LSM6: variants seen among roughly 807,000 people sequenced by gnomAD.
The protein encoded by LSM6 is U6 snRNA-associated Sm-like protein LSm6.
Under a neutral mutation model 13.5 loss-of-function variants are expected in LSM6, and 2 were observed. That is an observed-to-expected ratio of 0.15 (90% CI 0.06 to 0.47). The LOEUF is 0.47. Among genes scored for constraint, LSM6 ranks in the 20% least tolerant of loss-of-function variants. LSM6 has a pLI of 0.97. For missense variants in LSM6, 58 were observed against 96.4 expected, an observed-to-expected ratio of 0.60 and a Z score of 1.67; for synonymous variants, 43 against 34.9, an observed-to-expected ratio of 1.23 and a Z score of -0.82.
chr4:146,182,537 A>G (rs1196715485), intron 1 of LSM6, among the ~76,000 whole-genome samples: 1 of 152,266 alleles, frequency 6.6e-6, no homozygotes, highest in Non-Finnish European at 1.5e-5. Flanking sequence ...AATGCTTTGC[A>G]TAAAATAACC....
Position 146,182,952 on chromosome 4 carries a change from T to A in LSM6, c.31T>A (p.Phe11Ile). 6.2e-7 allele frequency: 1 copy of A among 1,613,368 alleles called. No individual in the cohort carries two copies. The highest frequency in any genetic ancestry group is 8.5e-7 in the Non-Finnish European group (1 of 1,179,356). ...TCTTCGGAAGCAAACCCCTAGTGACTTCTTAAAGCAAATCATCGGACGACC... is the reference window on the plus strand; with the variant it reads ...TCTTCGGAAGCAAACCCCTAGTGACATCTTAAAGCAAATCATCGGACGACC... MSLRKQTPSD[F>I]LKQIIGRPVV... Residue 11 changes from phenylalanine (F) to isoleucine (I), a missense_variant, in exon 2 of 4, where the codon TTC becomes ATC. Phe to Ile is a conservative substitution (Grantham distance 21, BLOSUM62 0). This residue lies in a region of LSM6 where 28 missense variants were observed against 32.6 expected (regional missense o/e 0.86). Transcript: ENST00000296581.
In LSM6 at chr4:146,187,305, T is replaced by C; in HGVS notation, c.126T>C (p.Asn42=). 1 of 1,613,628 alleles carries C rather than the reference T, an allele frequency of 6.2e-7. No homozygotes were observed. The highest frequency in any genetic ancestry group is 8.5e-7 in the Non-Finnish European group (1 of 1,179,550). Residue 42 remains asparagine (N), a synonymous_variant, in exon 3 of 4, where the codon AAT becomes AAC. Transcript: ENST00000296581. ...GVLACLDGYM[N]IALEQTEEYV... ...TGGCTTGCCTGGATGGCTACATGAA[T>C]ATAGCCCTGGAGCAGACAGAAGAAT...
rs1022314487 is a variant in LSM6, at chr4:146,191,074, GAAAAT to G, written c.*1423_*1427del. 57 of 152,318 alleles carry G rather than the reference GAAAAT, an allele frequency of 3.7e-4. No individual in the cohort carries two copies. Among genetic ancestry groups the G allele is most frequent in the African/African-American group, 1.3e-3 (55 of 41,574 alleles). 9.4% of individuals were successfully genotyped at this position (152,318 alleles called of 1,614,324 possible). ...CACAGGGTTTTACCGTGTGCACACT[GAAAAT>G]AAAACACTTTATGCTATGCTTCAAT... On this transcript the variant is annotated 3_prime_UTR_variant, in exon 4 of 4. Coordinates refer to ENST00000296581, the MANE Select transcript of LSM6 (RefSeq NM_007080.3).
intron 2 of LSM6, among the ~76,000 whole-genome samples, chr4:146,183,855 G>A (rs1346786000): frequency 6.8e-6 from 1 of 146,244 alleles, no homozygotes; most frequent in Non-Finnish European, 1.5e-5. Flanking sequence ...CCTGAGCACT[G>A]TACTGGGTAA....
intron 3 of LSM6, among the ~76,000 whole-genome samples, chr4:146,188,753 T>C (rs1450539599): frequency 2.0e-5 from 3 of 152,050 alleles, no homozygotes; most frequent in Non-Finnish European, 2.9e-5. Context: ...AGCAGAACAT[T>C]AGGTAACACC....
chr4:146,185,115 A>G lies in LSM6; in HGVS notation c.94+2100A>G, dbSNP rs141129830. Reference sequence around the variant, plus strand: ...TTTTGCCACTATAAACAACTCTTCTACTTTGACATATATTGTGAAGTTGAC... The same window carrying G: ...TTTTGCCACTATAAACAACTCTTCTGCTTTGACATATATTGTGAAGTTGAC... On this transcript the variant is annotated intron_variant, in intron 2 of 3. Transcript: ENST00000296581. 2.9e-3 allele frequency among the ~76,000 whole-genome samples: 439 copies of G among 152,218 alleles called. 2 individuals carry two copies. Among genetic ancestry groups the G allele is most frequent in the African/African-American group, 9.5e-3 (394 of 41,538 alleles).
At chr4:146,176,446 G>T (rs778719935) in intron 1 of LSM6, 2 of 152,246 alleles carry the variant, frequency 1.3e-5, no homozygotes, top group Non-Finnish European at 2.9e-5. Flanking sequence ...AGGTGTGTAG[G>T]ATTAAGATGA....
At chr4:146,178,820 A>G (rs1314024615) in intron 1 of LSM6, among the ~76,000 whole-genome samples, 1 of 152,106 alleles carries the variant, frequency 6.6e-6, no homozygotes, top group Non-Finnish European at 1.5e-5. Flanking sequence ...CACCGCCTCT[A>G]TTGCGATTCC....
At position 146,178,527 on chromosome 4, in the gene LSM6, T is replaced by G. The variant is rs537098266; in HGVS notation, c.-11+2716T>G. On this transcript the variant is annotated intron_variant, in intron 1 of 3. Transcript: ENST00000296581. Reference sequence around the variant, plus strand: ...GCCTCCTCAGACACTGATCTATTAGTCTAGTGCTGCAATTACTTGGATTGT... The same window carrying G: ...GCCTCCTCAGACACTGATCTATTAGGCTAGTGCTGCAATTACTTGGATTGT... Among the ~76,000 whole-genome samples the G allele has an allele frequency of 3.3e-5, 5 of 152,360 alleles. No individual in the cohort carries two copies. The East Asian group carries it at 9.6e-4, about 29-fold the overall frequency.
intron 1 of LSM6, 31 bp downstream of exon 1, chr4:146,175,842 G>T (rs3733460): frequency 6.6e-6 from 1 of 152,256 alleles, no homozygotes; most frequent in Non-Finnish European, 1.5e-5. Context: ...GGCCGACGAC[G>T]GGGCCGGGCG....
chr4:146,175,911 C>T (rs2110873927), intron 1 of LSM6, 100 bp downstream of exon 1: 1 of 152,446 alleles, frequency 6.6e-6, no homozygotes, highest in Admixed American at 6.5e-5. Context: ...GCTGCAGCGG[C>T]CCTAGGCCGG....
In LSM6 at chr4:146,190,634, C is replaced by T. The variant is rs938185297; in HGVS notation, c.*978C>T. On this transcript the variant is annotated 3_prime_UTR_variant, in exon 4 of 4. Coordinates refer to ENST00000296581, the MANE Select transcript of LSM6 (RefSeq NM_007080.3). ...AGGCTTTATGTTGCTTGGCACAAGG[C>T]AGCTCCTCTGGTTATGTGACTCCTG... 1 of 152,222 alleles carries T rather than the reference C, an allele frequency of 6.6e-6. No individual in the cohort carries two copies. Among genetic ancestry groups the T allele is most frequent in the African/African-American group, 2.4e-5 (1 of 41,444 alleles). The allele number at this position is 152,222 out of a possible 1,614,324, so 9.4% of individuals were successfully genotyped here.
rs897603343 is a variant in LSM6 at position 146,188,864 on chromosome 4, A to G, written c.209-758A>G. Among the ~76,000 whole-genome samples, 3 of 152,260 alleles carry G rather than the reference A, an allele frequency of 2.0e-5. No individual in the cohort carries two copies. In the East Asian group the frequency reaches 5.8e-4, roughly 29 times the overall value. The stretch of plus-strand genomic sequence containing the variant: ...CCTTAGCTCTTGTTTATCCTGTTGC[A>G]TTTAAGAAGGTAAACAGCAAGTTTA... On this transcript the variant is annotated intron_variant, in intron 3 of 3. Coordinates refer to ENST00000296581, the MANE Select transcript of LSM6 (RefSeq NM_007080.3).
chr4:146,190,116 G>A lies in LSM6; in HGVS notation c.*460G>A, dbSNP rs1164309410. The A allele has an allele frequency of 6.5e-6, 1 of 152,988 alleles. No homozygotes were observed. The highest frequency in any genetic ancestry group is 1.5e-5 in the Non-Finnish European group (1 of 68,650). 9.5% of individuals were successfully genotyped at this position (152,988 alleles called of 1,614,324 possible). A position where few individuals can be genotyped will look rare whatever the true frequency, so the allele number is the denominator to read the frequency against. On this transcript the variant is annotated 3_prime_UTR_variant, in exon 4 of 4. Transcript: ENST00000296581. ...TGAATATGTTCTACAAAGGCATCCA[G>A]TTTCAGTCTGAAGCTACAAAAAGGG...
At chr4:146,182,543 TAACC>T (rs1264574651) in intron 1 of LSM6, among the ~76,000 whole-genome samples, 1 of 152,248 alleles carries the variant, frequency 6.6e-6, no homozygotes, top group Non-Finnish European at 1.5e-5. Flanking sequence ...TTGCATAAAA[TAACC>T]AACCACTCAC....
chr4:146,181,336 C>T (rs1730226042), intron 1 of LSM6: 1 of 152,160 alleles, frequency 6.6e-6, no homozygotes, highest in Non-Finnish European at 1.5e-5. Context: ...CGTTTGTTTA[C>T]TCACACTCTT....
At chr4:146,179,484 C>T (rs975164131) in intron 1 of LSM6, among the ~76,000 whole-genome samples, 3 of 152,154 alleles carry the variant, frequency 2.0e-5, no homozygotes, top group African/African-American at 4.8e-5. Flanking sequence ...GTAAAAGATA[C>T]GGCTTTCCTA....
In LSM6 at chr4:146,186,384, A is replaced by G. The variant is rs138786032; in HGVS notation, c.95-890A>G. Among the ~76,000 whole-genome samples the G allele has an allele frequency of 2.5e-3, 382 of 152,292 alleles. 1 individual carries two copies. Among genetic ancestry groups the G allele is most frequent in the Middle Eastern group, 6.8e-3 (2 of 294 alleles). ...AAGTTAAGACATCAAATGAGAAACT[A>G]TAGACTCGACTGAATTGAATCTAGT... On this transcript the variant is annotated intron_variant, in intron 2 of 3. Coordinates refer to ENST00000296581, the MANE Select transcript of LSM6 (RefSeq NM_007080.3).
intron 1 of LSM6, among the ~76,000 whole-genome samples, chr4:146,178,918 G>T (rs1335267160): frequency 6.6e-6 from 1 of 152,204 alleles, no homozygotes; most frequent in Non-Finnish European, 1.5e-5. Flanking sequence ...CCTTGGCTTT[G>T]CTTTCCACCT....
Sources: gnomAD v4.1 joint callset for allele counts (sites outside exome capture counted in the v4.1 genomes callset) on GRCh38, gnomAD v4.1.1 for gene constraint, gnomAD v4.1.1 regional missense constraint, MANE v1.5 for transcripts, NCBI Gene and HGNC (gene_info 2026-07-23, HGNC 2026-07-21) for gene names.